Variants in CAV3 observed in about 807,000 individuals in gnomAD.
CAV3 encodes caveolin 3, also known as caveolin-3.
A neutral mutation model predicts 13.4 loss-of-function variants in CAV3; 10 were observed. The observed-to-expected ratio is 0.75, with a 90% CI of 0.46 to 1.27. The LOEUF is 1.27. Among genes scored for constraint, CAV3 ranks in the 50% most tolerant of loss-of-function variants. CAV3 has a pLI of 0.00. For synonymous variants in CAV3, 90 were observed against 79.0 expected, an observed-to-expected ratio of 1.14 and a Z score of -0.74; for missense variants, 162 against 194.0, an observed-to-expected ratio of 0.83 and a Z score of 0.98.
At chr3:8,738,112 G>A (rs1707824801) in intron 1 of CAV3, among the ~76,000 whole-genome samples, 1 of 151,174 alleles carries the variant, frequency 6.6e-6, no homozygotes, top group African/African-American at 2.4e-5. Context: ...AGGCCCCCAG[G>A]GCCCTAAAGC....
Position 8,733,982 on chromosome 3 carries a change from A to G in CAV3, c.106A>G (p.Ile36Val), listed in dbSNP as rs750257861. The change falls in exon 1 of 2, where the codon ATA becomes GTA. Residue 36 changes from isoleucine to valine, a missense_variant. Physicochemically the swap from Ile to Val is conservative, Grantham distance 29 (BLOSUM62 3). Transcript: ENST00000343849. ...NRDPKNINED[I>V]VKVDFEDVIA... ...AGACCCCAAGAACATTAACGAGGAC[A>G]TAGTCAAGGTAGGCTCTGCAGGCCT... is the stretch of plus-strand genomic sequence containing the variant. The G allele has an allele frequency of 1.9e-6, 3 of 1,595,774 alleles. No homozygotes were observed. The highest frequency in any genetic ancestry group is 1.1e-5 in the South Asian group (1 of 90,688).
At chr3:8,734,071 C>T in intron 1 of CAV3, 81 bp downstream of exon 1, 1 of 778,822 alleles carries the variant, frequency 1.3e-6, no homozygotes, top group Admixed American at 1.9e-5. Flanking sequence ...AGGGTATCTG[C>T]TGCAGACACA....
Position 8,745,824 on chromosome 3 carries a change from A to C in CAV3, c.413A>C (p.Gln138Pro). 6.2e-7 allele frequency: 1 copy of C among 1,613,760 alleles called. No individual in the cohort carries two copies. The highest frequency in any genetic ancestry group is 8.5e-7 in the Non-Finnish European group (1 of 1,180,022). ...AACCCACTCTTCGCGGCCCTGGGCC[A>C]GGTCTGCAGCAGCATCAAGGTGGTG... The part of the protein sequence containing the change: ...FCNPLFAALG[Q>P]VCSSIKVVLR... The change falls in exon 2 of 2, where the codon CAG becomes CCG. Residue 138 changes from glutamine to proline, a missense_variant. Gln to Pro is a moderately conservative substitution (Grantham distance 76). Transcript: ENST00000343849. The surrounding 1 kb of genome is among the most constrained non-coding windows in gnomAD (Gnocchi z 4.8).
chr3:8,734,148 CA>C (rs766559347), intron 1 of CAV3, among the ~76,000 whole-genome samples, 158 bp downstream of exon 1: 1 of 151,662 alleles, frequency 6.6e-6, no homozygotes, highest in Non-Finnish European at 1.5e-5. Context: ...ACCCCACCCC[CA>C]AAAAAAGGCT....
chr3:8,741,435 G>A (rs543964536), intron 1 of CAV3, among the ~76,000 whole-genome samples: 106 of 152,288 alleles, frequency 7.0e-4, no homozygotes, highest in South Asian at 4.4e-3. Flanking sequence ...AATAGGGGAG[G>A]AAGCTGGGAT....
intron 1 of CAV3, 135 bp downstream of exon 1, chr3:8,734,125 C>A (rs1012406267): frequency 5.2e-5 from 33 of 636,502 alleles, no homozygotes; most frequent in Non-Finnish European, 6.8e-5. Flanking sequence ...CTCTGTATCA[C>A]CCCCCCAACC....
chr3:8,745,504 C>T lies in CAV3; in HGVS notation c.115-22C>T. 1 of 1,599,820 alleles carries T rather than the reference C, an allele frequency of 6.3e-7. No homozygotes were observed. Among genetic ancestry groups the T allele is most frequent in the Non-Finnish European group, 8.6e-7 (1 of 1,167,144 alleles). On this transcript the variant is annotated intron_variant, in intron 1 of 1. Coordinates refer to ENST00000343849, the MANE Select transcript of CAV3 (RefSeq NM_033337.3). The surrounding 1 kb of genome is among the most constrained non-coding windows in gnomAD (Gnocchi z 4.8). Reference sequence around the variant, plus strand: ...AGCGGGTGGCTTCTGTGAGTTGAGGCTTCCCCTTGCCACCCCTGCAGGTGG... The same window carrying T: ...AGCGGGTGGCTTCTGTGAGTTGAGGTTTCCCCTTGCCACCCCTGCAGGTGG...
intron 1 of CAV3, among the ~76,000 whole-genome samples, chr3:8,734,374 C>T (rs534193847): frequency 1.3e-5 from 2 of 152,300 alleles, no homozygotes; most frequent in South Asian, 2.1e-4. Flanking sequence ...GGCATTTCTG[C>T]GGTCTCTCCA....
intron 1 of CAV3, among the ~76,000 whole-genome samples, chr3:8,737,252 AC>A (rs1170494054): frequency 3.9e-5 from 6 of 152,166 alleles, no homozygotes; most frequent in Non-Finnish European, 8.8e-5. Context: ...GATGAGTGAC[AC>A]GGAAAGAATG....
chr3:8,740,741 T>C (rs1238950891), intron 1 of CAV3, among the ~76,000 whole-genome samples: 2 of 152,118 alleles, frequency 1.3e-5, no homozygotes, highest in African/African-American at 4.8e-5. Context: ...CCTAGGATGC[T>C]CTCAACTCCT....
intron 1 of CAV3, among the ~76,000 whole-genome samples, chr3:8,740,547 G>C (rs1707922141): frequency 6.6e-6 from 1 of 152,158 alleles, no homozygotes; most frequent in Non-Finnish European, 1.5e-5. Context: ...GCTTCTTCTG[G>C]CAGGTTCTTC....
chr3:8,745,481 C>G lies in CAV3; in HGVS notation c.115-45C>G, dbSNP rs80340058. 8.7e-7 allele frequency: 1 copy of G among 1,147,104 alleles called. No homozygotes were observed. The highest frequency in any genetic ancestry group is 1.3e-6 in the Non-Finnish European group (1 of 775,258). The allele number at this position is 1,147,104 out of a possible 1,614,324, so 71.1% of individuals were successfully genotyped here. On this transcript the variant is annotated intron_variant, in intron 1 of 1. Transcript: ENST00000343849. This position sits in a 1 kb window ranked among gnomAD's most constrained non-coding sequence, Gnocchi z 4.8. Reference sequence around the variant, plus strand: ...CGCACACACCCAAAAGCTTGAGAAGCGGGTGGCTTCTGTGAGTTGAGGCTT... The same window carrying G: ...CGCACACACCCAAAAGCTTGAGAAGGGGGTGGCTTCTGTGAGTTGAGGCTT...
At position 8,745,786 on chromosome 3, in the gene CAV3, C is replaced by G; in HGVS notation, c.375C>G (p.Ile125Met). ...TCAGCCACATCTACTCACTCTGCATCCGCACCTTCTGCAACCCACTCTTCG... is the reference window on the plus strand; with the variant it reads ...TCAGCCACATCTACTCACTCTGCATGCGCACCTTCTGCAACCCACTCTTCG... ...QCISHIYSLCIRTFCNPLFAA... is the reference protein window; with the variant it reads ...QCISHIYSLCMRTFCNPLFAA... The change falls in exon 2 of 2, where the codon ATC becomes ATG. Residue 125 changes from isoleucine (I) to methionine (M), a missense_variant. Coordinates refer to ENST00000343849, the MANE Select transcript of CAV3 (RefSeq NM_033337.3). This position sits in a 1 kb window ranked among gnomAD's most constrained non-coding sequence, Gnocchi z 4.8. The G allele has an allele frequency of 6.2e-7, 1 of 1,614,066 alleles. No individual in the cohort carries two copies. The highest frequency in any genetic ancestry group is 1.1e-5 in the South Asian group (1 of 91,086).
intron 1 of CAV3, among the ~76,000 whole-genome samples, chr3:8,742,168 T>G (rs1707986205): frequency 6.6e-6 from 1 of 152,122 alleles, no homozygotes; most frequent in Admixed American, 6.5e-5. Context: ...CAAACTAGCA[T>G]GCTGTGGCCA....
At chr3:8,737,145 CAG>C (rs1393254328) in intron 1 of CAV3, among the ~76,000 whole-genome samples, 2 of 152,116 alleles carry the variant, frequency 1.3e-5, no homozygotes, top group Non-Finnish European at 2.9e-5. Context: ...AGAAACTGGA[CAG>C]AGACTGAGAG....
intron 1 of CAV3, among the ~76,000 whole-genome samples, chr3:8,736,480 C>G (rs757519402): frequency 6.6e-6 from 1 of 152,122 alleles, no homozygotes; most frequent in Admixed American, 6.5e-5. Flanking sequence ...TGCGTCATGC[C>G]CAGGTAGCCA....
At chr3:8,735,089 T>C (rs1707703388) in intron 1 of CAV3, among the ~76,000 whole-genome samples, 1 of 152,154 alleles carries the variant, frequency 6.6e-6, no homozygotes, top group Non-Finnish European at 1.5e-5. Context: ...GGAGGGGCTG[T>C]TAAGAGGCCA....
chr3:8,743,921 T>A (rs2124986235), intron 1 of CAV3, among the ~76,000 whole-genome samples: 1 of 152,356 alleles, frequency 6.6e-6, no homozygotes, highest in East Asian at 1.9e-4. Flanking sequence ...ATGGCCATTT[T>A]TTTTATAATG....
chr3:8,742,641 C>T, intron 1 of CAV3: 1 of 418,008 alleles, frequency 2.4e-6, no homozygotes, highest in Non-Finnish European at 4.8e-6. Flanking sequence ...ATATTACCAT[C>T]ACAATAGCCA....
Sources: gnomAD v4.1 joint callset for allele counts (sites outside exome capture counted in the v4.1 genomes callset) on GRCh38, gnomAD v4.1.1 for gene constraint, Gnocchi (gnomAD v3.1) non-coding constraint, MANE v1.5 for transcripts, NCBI Gene and HGNC (gene_info 2026-07-23, HGNC 2026-07-21) for gene names.